Variants in FTCD observed in about 807,000 individuals in gnomAD.
FTCD encodes the protein formimidoyltransferase cyclodeaminase, also known as formimidoyltransferase-cyclodeaminase.
A neutral mutation model predicts 62.9 loss-of-function variants in FTCD; 76 were observed. The ratio of observed to expected loss-of-function variants is 1.21; its 90% confidence interval spans 1.00 to 1.46. FTCD has a LOEUF of 1.46. FTCD is among the 40% of genes most tolerant of loss of function. FTCD has a pLI of 0.00. For synonymous variants in FTCD, 397 were observed against 336.9 expected (o/e 1.18, Z -1.95); for missense variants, 845 against 751.3 (o/e 1.12, Z -1.46).
intron 10 of FTCD, among the ~76,000 whole-genome samples, chr21:46,140,252 G>A (rs113053516): frequency 2.0e-5 from 2 of 101,408 alleles, no homozygotes; most frequent in African/African-American, 7.9e-5. Flanking sequence ...GTAAACCAAT[G>A]CAGCACTCCC....
At chr21:46,143,090 C>T (rs1002230908) in intron 10 of FTCD, among the ~76,000 whole-genome samples, 2 of 152,182 alleles carry the variant, frequency 1.3e-5, no homozygotes, top group African/African-American at 2.4e-5. Flanking sequence ...TCTGCAAATC[C>T]GGGACTGTTT....
intron 10 of FTCD, among the ~76,000 whole-genome samples, chr21:46,140,591 G>A (rs2078979246): frequency 7.9e-6 from 1 of 126,164 alleles, no homozygotes; most frequent in African/African-American, 3.0e-5. Flanking sequence ...CTCACAGGGA[G>A]TGTAAACCAA....
intron 10 of FTCD, chr21:46,142,272 CAGTGAGCTCTTACA>C (rs1204654598): frequency 9.4e-5 from 14 of 149,294 alleles, no homozygotes; most frequent in African/African-American, 3.6e-4. Context: ...GAGACCTTCT[CAGTGAGCTCTTACA>C]GGTGGCGCGT....
intron 6 of FTCD, 56 bp from the exon 7 acceptor site, chr21:46,150,306 C>T: frequency 6.2e-7 from 1 of 1,609,522 alleles, no homozygotes; most frequent in Admixed American, 1.7e-5. Flanking sequence ...ATGGCCCTGG[C>T]TGGAGGATGT....
At chr21:46,136,587 T>C (rs2078871615), downstream of FTCD, 1 of 1,547,144 alleles carries the variant, frequency 6.5e-7, no homozygotes, top group Non-Finnish European at 8.7e-7. Context: ...TCTGAATACC[T>C]GTGACCCTGC....
downstream of FTCD, chr21:46,136,458 C>T: frequency 1.2e-6 from 2 of 1,612,650 alleles, no homozygotes; most frequent in Admixed American, 3.3e-5. Flanking sequence ...GCGAGGCTAT[C>T]CTTCCAGCGT....
Position 46,151,987 on chromosome 21 carries a change from G to C in FTCD, c.368-7C>G, listed in dbSNP as rs746449651. The C allele has an allele frequency of 6.4e-6, 10 of 1,557,862 alleles. 1 individual carries two copies. The South Asian group carries it at 1.2e-4, about 18-fold the overall frequency. On this transcript the variant is annotated splice_region_variant and splice_polypyrimidine_tract_variant and intron_variant, in intron 3 of 13. Coordinates refer to ENST00000397746, the MANE Select transcript of FTCD (RefSeq NM_206965.2). ...GCCTCGCCGTACAGGTAAACTGCAG[G>C]AGAGCCCGGCGGTCAGGCCTGGACC... is the stretch of plus-strand genomic sequence containing the variant.
rs1323577892 is a variant in FTCD at position 46,145,593 on chromosome 21, G to T, written c.1099-15C>A. ...AGCGCCGCACCCTGCGAGAGGGGTG[G>T]ATGTGGGGGTCGCAGGGACCCCAGA... On this transcript the variant is annotated splice_polypyrimidine_tract_variant and intron_variant, in intron 9 of 13. Transcript: ENST00000397746. 6.5e-7 allele frequency: 1 copy of T among 1,526,864 alleles called. No homozygotes were observed. Among genetic ancestry groups the T allele is most frequent in the Non-Finnish European group, 8.8e-7 (1 of 1,133,772 alleles). The allele number at this position is 1,526,864 out of a possible 1,614,324, so 94.6% of individuals were successfully genotyped here. A position where few individuals can be genotyped will look rare whatever the true frequency, so the allele number is the denominator to read the frequency against.
At chr21:46,141,676 C>T (rs917249955) in intron 10 of FTCD, among the ~76,000 whole-genome samples, 10 of 151,074 alleles carry the variant, frequency 6.6e-5, no homozygotes, top group African/African-American at 1.7e-4. Flanking sequence ...GAACAACAAA[C>T]GGGGAAAGCT....
rs1222657004 is a variant in FTCD at position 46,152,279 on chromosome 21, T to C, written c.368-299A>G. On this transcript the variant is annotated intron_variant, in intron 3 of 13. Transcript: ENST00000397746. ...CAGGACGTTCATGCTTCTGTTTTCT[T>C]TGTATGATAAACAGAACCGCAAGCA... The C allele has an allele frequency of 1.8e-5, 7 of 395,814 alleles. No individual in the cohort carries two copies. The East Asian group carries it at 2.7e-4, about 16-fold the overall frequency. 24.5% of individuals were successfully genotyped at this position (395,814 alleles called of 1,614,324 possible).
At chr21:46,143,014 C>T (rs1405678323) in intron 10 of FTCD, among the ~76,000 whole-genome samples, 1 of 152,184 alleles carries the variant, frequency 6.6e-6, no homozygotes, top group South Asian at 2.1e-4. Context: ...AAGTCCCCAC[C>T]AGACCCAGAA....
chr21:46,152,415 G>C (rs1021950537), intron 3 of FTCD: 2 of 205,822 alleles, frequency 9.7e-6, no homozygotes, highest in Non-Finnish European at 2.0e-5. Context: ...TGGCATGACC[G>C]TGACGGGGGT....
rs984715743 is a variant in FTCD at position 46,137,069 on chromosome 21, T to C, written c.1544A>G (p.His515Arg). 5.6e-6 allele frequency: 9 copies of C among 1,613,676 alleles called. No individual in the cohort carries two copies. Among genetic ancestry groups the C allele is most frequent in the Non-Finnish European group, 7.6e-6 (9 of 1,179,994 alleles). ...CTGCAGGAGGCTGGAAACACGATGG[T>C]GGATCTGATGGACACAGGGAAAGAG... ...ITDEAFKDQI[H>R]HRVSSLLQEA... The change falls in exon 14 of 14, where the codon CAC (histidine) becomes CGC (arginine). Residue 515 changes from histidine to arginine, a missense_variant. By Grantham distance (29) the His-to-Arg change is conservative. Transcript: ENST00000397746.
chr21:46,152,723 C>A (rs569090586), intron 3 of FTCD, 184 bp downstream of exon 3: 2 of 570,840 alleles, frequency 3.5e-6, no homozygotes, highest in Non-Finnish European at 6.1e-6. Flanking sequence ...CGGGCCTGCA[C>A]GGCCGCAGGC....
chr21:46,138,973 C>A (rs1268451311), intron 10 of FTCD, 50 bp from the exon 11 acceptor site: 2 of 1,432,874 alleles, frequency 1.4e-6, no homozygotes, highest in Admixed American at 3.3e-5. Context: ...GGGGGAGCAG[C>A]CATGCCCTCT....
Position 46,151,735 on chromosome 21 carries a change from G to A in FTCD, c.459C>T (p.Leu153=), listed in dbSNP as rs1047633987. 6 of 1,612,764 alleles carry A rather than the reference G, an allele frequency of 3.7e-6. No individual in the cohort carries two copies. The highest frequency in any genetic ancestry group is 4.2e-6 in the Non-Finnish European group (5 of 1,179,954). ...AGEYEALPKK[L]QQADWAPDFG... is the part of the protein sequence containing the mutation. ...AGTCGGGCGCCCAGTCGGCCTGCTGGAGCTGTGAGCAAGTTCGCTCTGGGG... is the reference window on the plus strand; with the variant it reads ...AGTCGGGCGCCCAGTCGGCCTGCTGAAGCTGTGAGCAAGTTCGCTCTGGGG... The change falls in exon 5 of 14, where the codon CTC becomes CTT. Residue 153 remains leucine (L), a splice_region_variant and synonymous_variant. Coordinates refer to ENST00000397746, the MANE Select transcript of FTCD (RefSeq NM_206965.2).
chr21:46,138,498 GC>G lies in FTCD; in HGVS notation c.1443+9del, dbSNP rs372045405. 6.1e-3 allele frequency: 9,700 copies of G among 1,578,950 alleles called. 553 individuals carry two copies. The South Asian group carries it at 0.098, about 16-fold the overall frequency. On this transcript the variant is annotated intron_variant, in intron 12 of 13. Transcript: ENST00000397746. ...CGGCAGGAGGCCTGGGGTCCCCCGGGCCCCCCTACCTGGAGGTCTGACCGGC... is the reference window on the plus strand; with the variant it reads ...CGGCAGGAGGCCTGGGGTCCCCCGGGCCCCCTACCTGGAGGTCTGACCGGC...
chr21:46,145,358 C>A, intron 10 of FTCD, 59 bp downstream of exon 10: 1 of 1,435,664 alleles, frequency 7.0e-7, no homozygotes, highest in Non-Finnish European at 9.4e-7. Flanking sequence ...TCACTGGGGC[C>A]CCAGCTGGGG....
At position 46,150,412 on chromosome 21, in the gene FTCD, G is replaced by C; in HGVS notation, c.750C>G (p.Tyr250Ter). The change falls in exon 6 of 14, where the codon TAC becomes TAG. Residue 250 changes from tyrosine to a stop codon, truncating the protein, a stop_gained. Coordinates refer to ENST00000397746, the MANE Select transcript of FTCD (RefSeq NM_206965.2). LOFTEE classifies it high-confidence loss of function. ...CCTGTGCTTCTCGGCAGGTCTCCTC[G>C]TAGACCGTGTGCAGTGCCGTGACCT... ...DFEVTALHTV[Y>*]EETCREAQEL... is the part of the protein sequence containing the mutation. The C allele has an allele frequency of 1.9e-6, 3 of 1,612,920 alleles. No homozygotes were observed. Among genetic ancestry groups the C allele is most frequent in the Non-Finnish European group, 2.5e-6 (3 of 1,179,922 alleles).
Sources: allele counts gnomAD v4.1 joint callset (sites outside exome capture counted in the v4.1 genomes callset), GRCh38; gene constraint gnomAD v4.1.1; transcripts MANE v1.5; gene names NCBI Gene and HGNC (gene_info 2026-07-23, HGNC 2026-07-21).